Variants in FBN2 observed in about 807,000 individuals in gnomAD.
FBN2 encodes the protein fibrillin-2.
In FBN2, 105 loss-of-function variants were observed where a neutral mutation model predicts 355.6. That is an observed-to-expected ratio of 0.30 (90% CI 0.25 to 0.35). The LOEUF (loss-of-function observed/expected upper bound fraction) is 0.35. Ranked by LOEUF, FBN2 falls within the 10% of genes least tolerant of loss-of-function variation. FBN2 has a pLI of 1.00. For missense variants in FBN2, 3,280 were observed against 3,758.7 expected, an observed-to-expected ratio of 0.87 and a Z score of 3.33; for synonymous variants, 1,350 against 1,301.2, an observed-to-expected ratio of 1.04 and a Z score of -0.81.
At chr5:128,525,305 T>C (rs1234296179) in intron 4 of FBN2, among the ~76,000 whole-genome samples, 52 of 152,152 alleles carry the variant, frequency 3.4e-4, no homozygotes, top group East Asian at 5.8e-4. Context: ...CAAAACAGAG[T>C]TGGCAATCAG....
At chr5:128,452,799 G>A (rs1447792225) in intron 6 of FBN2, among the ~76,000 whole-genome samples, 2 of 152,100 alleles carry the variant, frequency 1.3e-5, no homozygotes, top group Non-Finnish European at 2.9e-5. Flanking sequence ...TAATGGTAAG[G>A]TTTGGGCTTC....
chr5:128,341,291 T>C (rs1044073364), intron 25 of FBN2, among the ~76,000 whole-genome samples: 2 of 152,142 alleles, frequency 1.3e-5, no homozygotes, highest in African/African-American at 4.8e-5. Context: ...CCTATACCAG[T>C]GGAAGTTGTT....
chr5:128,376,714 C>G lies in FBN2; in HGVS notation c.1972+17G>C. On this transcript the variant is annotated intron_variant, in intron 14 of 64. Transcript: ENST00000262464. ...GTTTCAATCATGGTCACTTTCCTATCTGAAAGCCACACATACCAGTACAGT... is the reference window on the plus strand; with the variant it reads ...GTTTCAATCATGGTCACTTTCCTATGTGAAAGCCACACATACCAGTACAGT... 1 of 1,613,474 alleles carries G rather than the reference C, an allele frequency of 6.2e-7. No individual in the cohort carries two copies. The highest frequency in any genetic ancestry group is 8.5e-7 in the Non-Finnish European group (1 of 1,179,516).
chr5:128,453,125 T>C (rs1249965329), intron 6 of FBN2, among the ~76,000 whole-genome samples: 1 of 152,204 alleles, frequency 6.6e-6, no homozygotes, highest in Non-Finnish European at 1.5e-5. Context: ...TCATGTATGA[T>C]ACACAAAATT....
At position 128,361,797 on chromosome 5, in the gene FBN2, C is replaced by T. The variant is rs150735582; in HGVS notation, c.2480G>A (p.Arg827Gln). The change falls in exon 19 of 65, where the codon CGA becomes CAA. Residue 827 changes from arginine to glutamine, a missense_variant. Physicochemically the swap from Arg to Gln is conservative, Grantham distance 43. This residue lies in a region of FBN2 where 2,284 missense variants were observed against 2,749.5 expected (regional missense o/e 0.83). Coordinates refer to ENST00000262464, the MANE Select transcript of FBN2 (RefSeq NM_001999.4). ...NRLLCDNGLC[R>Q]NTPGSYSCTC... ...ACAGCTGTAACTTCCTGGCGTGTTT[C>T]GGCACAATCCGTTATCACAAAGCAG... The T allele has an allele frequency of 4.5e-5, 73 of 1,613,938 alleles. No individual in the cohort carries two copies. Among genetic ancestry groups the T allele is most frequent in the Non-Finnish European group, 5.7e-5 (67 of 1,179,966 alleles).
intron 4 of FBN2, among the ~76,000 whole-genome samples, chr5:128,525,721 C>A (rs1474209205): frequency 6.6e-6 from 1 of 152,166 alleles, no homozygotes; most frequent in Non-Finnish European, 1.5e-5. Context: ...AAGGAATCTG[C>A]AAACTATGGC....
At chr5:128,510,138 AT>A (rs1411789727) in intron 5 of FBN2, among the ~76,000 whole-genome samples, 1 of 152,000 alleles carries the variant, frequency 6.6e-6, no homozygotes, top group African/African-American at 2.4e-5. Flanking sequence ...CCGTGCCTGG[AT>A]TTTCTCACCC....
chr5:128,464,683 G>T (rs1220823214), intron 6 of FBN2, 41 bp downstream of exon 6: 2 of 1,592,800 alleles, frequency 1.3e-6, no homozygotes, highest in Non-Finnish European at 8.6e-7. Flanking sequence ...AAGAGAAGTG[G>T]CAGGTCTGCG....
intron 11 of FBN2, among the ~76,000 whole-genome samples, chr5:128,391,373 A>T (rs1413494746): frequency 6.6e-6 from 1 of 152,200 alleles, no homozygotes; most frequent in Non-Finnish European, 1.5e-5. Context: ...TAAGGCAGAC[A>T]TTAAAAAGGT....
intron 55 of FBN2, among the ~76,000 whole-genome samples, chr5:128,281,234 AT>A (rs1483499422): frequency 2.0e-5 from 3 of 152,204 alleles, no homozygotes; most frequent in Non-Finnish European, 4.4e-5. Context: ...TATATCTGTC[AT>A]GATTACTGAT....
chr5:128,435,477 A>C (rs1209915697), intron 7 of FBN2, among the ~76,000 whole-genome samples: 2 of 152,210 alleles, frequency 1.3e-5, no homozygotes, highest in African/African-American at 4.8e-5. Context: ...CTTGTCTTTA[A>C]CAAGGACCCA....
chr5:128,259,567 G>C lies in FBN2; in HGVS notation c.8627C>G (p.Pro2876Arg). The C allele has an allele frequency of 6.2e-7, 1 of 1,614,060 alleles. No individual in the cohort carries two copies. Among genetic ancestry groups the C allele is most frequent in the South Asian group, 1.1e-5 (1 of 91,052 alleles). The change falls in exon 65 of 65, where the codon CCT becomes CGT. Residue 2876 changes from proline to arginine, a missense_variant. This residue lies in a region of FBN2 where 311 missense variants were observed against 319.1 expected (regional missense o/e 0.97). Transcript: ENST00000262464. ...GTYTLEITSI[P>R]LYKKKELKKL... ...CTTAAGCTCCTTCTTCTTGTAGAGAGGGATGCTAGTGATTTCCAGTGTGTA... is the reference window on the plus strand; with the variant it reads ...CTTAAGCTCCTTCTTCTTGTAGAGACGGATGCTAGTGATTTCCAGTGTGTA...
chr5:128,360,173 A>G (rs186651452), intron 19 of FBN2, among the ~76,000 whole-genome samples: 115 of 152,188 alleles, frequency 7.6e-4, no homozygotes, highest in Middle Eastern at 6.8e-3. Flanking sequence ...AAAAACAAAA[A>G]CCTTTGAAAT....
intron 48 of FBN2, among the ~76,000 whole-genome samples, chr5:128,297,478 CTT>C (rs1174369479): frequency 1.1e-4 from 16 of 152,058 alleles, no homozygotes; most frequent in Non-Finnish European, 2.1e-4. Context: ...GTCTAAGTCT[CTT>C]TGTAGGTCAC....
chr5:128,384,568 T>TG (rs1420173693), intron 11 of FBN2, among the ~76,000 whole-genome samples: 1 of 152,130 alleles, frequency 6.6e-6, no homozygotes, highest in African/African-American at 2.4e-5. Flanking sequence ...TTAGGAGTCA[T>TG]GAACACCTAT....
At chr5:128,493,649 A>C (rs1279878389) in intron 5 of FBN2, among the ~76,000 whole-genome samples, 1 of 152,222 alleles carries the variant, frequency 6.6e-6, no homozygotes, top group Non-Finnish European at 1.5e-5. Flanking sequence ...TAGCACTTTC[A>C]AAAATTCTTT....
chr5:128,349,885 TGA>T lies in FBN2; in HGVS notation c.2863+68_2863+69del. ...GAAAATGATAAATATCTCCAAAGTTTGAGAGTGAATGTTAATTTTACTTACTG... is the reference window on the plus strand; with the variant it reads ...GAAAATGATAAATATCTCCAAAGTTTGAGTGAATGTTAATTTTACTTACTG... On this transcript the variant is annotated intron_variant, in intron 22 of 64. Transcript: ENST00000262464. 3 of 1,177,936 alleles carry T rather than the reference TGA, an allele frequency of 2.5e-6. No homozygotes were observed. The South Asian group carries it at 3.7e-5, about 15-fold the overall frequency. 73.0% of individuals were successfully genotyped at this position (1,177,936 alleles called of 1,614,324 possible).
chr5:128,513,277 T>C (rs1050077145), intron 5 of FBN2, among the ~76,000 whole-genome samples: 7 of 152,246 alleles, frequency 4.6e-5, no homozygotes, highest in Non-Finnish European at 8.8e-5. Flanking sequence ...CCCATATACA[T>C]GCACATCTGA....
chr5:128,438,071 A>C lies in FBN2; in HGVS notation c.952+8410T>G, dbSNP rs559224387. ...AGTGGCATGATCCCAGGTAACTGCA[A>C]CCTCCGCCTCCTGGGCTTAGGTGAT... On this transcript the variant is annotated intron_variant, in intron 7 of 64. Coordinates refer to ENST00000262464, the MANE Select transcript of FBN2 (RefSeq NM_001999.4). Among the ~76,000 whole-genome samples the C allele has an allele frequency of 3.7e-4, 57 of 152,246 alleles. No homozygotes were observed. In the East Asian group the frequency reaches 7.1e-3, roughly 19 times the overall value.
Sources: allele counts gnomAD v4.1 joint callset (sites outside exome capture counted in the v4.1 genomes callset), GRCh38; gene constraint gnomAD v4.1.1; regional missense constraint gnomAD v4.1.1; transcripts MANE v1.5; gene names NCBI Gene and HGNC (gene_info 2026-07-23, HGNC 2026-07-21).